Variants in TMCC1 observed in about 807,000 individuals in gnomAD.
TMCC1 encodes transmembrane and coiled-coil domain family 1, also known as transmembrane and coiled-coil domains protein 1.
TMCC1 carries 15 observed loss-of-function variants against 52.4 expected under a neutral mutation model. That is an observed-to-expected ratio of 0.29 (90% CI 0.19 to 0.44). TMCC1 has a LOEUF of 0.44. Ranked by LOEUF, TMCC1 falls within the 20% of genes least tolerant of loss-of-function variation. TMCC1 has a pLI of 1.00. For synonymous variants in TMCC1, 279 were observed against 301.9 expected, an observed-to-expected ratio of 0.92 and a Z score of 0.79; for missense variants, 503 against 806.0, an observed-to-expected ratio of 0.62 and a Z score of 4.55.
chr3:129,876,919 T>C (rs2061243236), intron 2 of TMCC1, among the ~76,000 whole-genome samples: 1 of 152,188 alleles, frequency 6.6e-6, no homozygotes, highest in African/African-American at 2.4e-5. Flanking sequence ...ATCGTGCCAC[T>C]GCACTCCAGC....
intron 4 of TMCC1, among the ~76,000 whole-genome samples, chr3:129,807,651 A>C (rs910409200): frequency 6.6e-6 from 1 of 152,222 alleles, no homozygotes; most frequent in South Asian, 2.1e-4. Context: ...AAGAATCAGA[A>C]TGGCACCAGA....
intron 4 of TMCC1, among the ~76,000 whole-genome samples, chr3:129,805,382 CG>C (rs1368838607): frequency 3.9e-5 from 6 of 152,068 alleles, no homozygotes; most frequent in African/African-American, 1.4e-4. Flanking sequence ...AGGCTGTTCT[CG>C]AACTCCTGGG....
chr3:129,707,930 C>CA (rs931591808), intron 4 of TMCC1, among the ~76,000 whole-genome samples: 1,394 of 127,976 alleles, frequency 0.011, 14 homozygotes, highest in Non-Finnish European at 0.012. Context: ...GACTCAGTCT[C>CA]AAAAAAAAAA....
intron 2 of TMCC1, among the ~76,000 whole-genome samples, chr3:129,870,306 C>T (rs1004994767): frequency 9.2e-5 from 14 of 151,796 alleles, no homozygotes; most frequent in African/African-American, 3.4e-4. Context: ...CTCTTCAGTA[C>T]CAATATCAGC....
At position 129,651,812 on chromosome 3, in the gene TMCC1, G is replaced by A. The variant is rs2086343189; in HGVS notation, c.1648-17C>T. 5 of 1,606,670 alleles carry A rather than the reference G, an allele frequency of 3.1e-6. No homozygotes were observed. The East Asian group carries it at 1.1e-4, about 36-fold the overall frequency. ...CAGGGCCTCCTGTGGGCCAGAACAG[G>A]GAAGAGTTAAGCCTTCTGCTCACAA... On this transcript the variant is annotated splice_polypyrimidine_tract_variant and intron_variant, in intron 6 of 6. Transcript: ENST00000393238. The surrounding 1 kb of genome is among the most constrained non-coding windows in gnomAD (Gnocchi z 5.1).
chr3:129,809,457 A>G (rs561805031), intron 4 of TMCC1, among the ~76,000 whole-genome samples: 1 of 152,292 alleles, frequency 6.6e-6, no homozygotes, highest in South Asian at 2.1e-4. Flanking sequence ...AAATAATATT[A>G]ACTTCTTAAT....
chr3:129,726,525 C>T (rs935120954), intron 4 of TMCC1, among the ~76,000 whole-genome samples: 7 of 151,990 alleles, frequency 4.6e-5, no homozygotes, highest in African/African-American at 7.3e-5. Flanking sequence ...AAGAATTATA[C>T]GGACTCTACT....
At position 129,816,355 on chromosome 3, in the gene TMCC1, T is replaced by C. The variant is rs189257661; in HGVS notation, c.576+11448A>G. ...ATGTAACTGCCCATCAGTGGACAAA[T>C]GAATAAAGAAAATGTGGTATACAAA... On this transcript the variant is annotated intron_variant, in intron 4 of 6. Coordinates refer to ENST00000393238, the MANE Select transcript of TMCC1 (RefSeq NM_001017395.5). Among the ~76,000 whole-genome samples the C allele has an allele frequency of 2.6e-3, 392 of 151,906 alleles. 1 individual carries two copies. The highest frequency in any genetic ancestry group is 4.9e-3 in the Non-Finnish European group (332 of 67,960).
At position 129,706,461 on chromosome 3, in the gene TMCC1, C is replaced by G. The variant is rs374447300; in HGVS notation, c.577-35197G>C. On this transcript the variant is annotated intron_variant, in intron 4 of 6. Coordinates refer to ENST00000393238, the MANE Select transcript of TMCC1 (RefSeq NM_001017395.5). ...CCTCAGGTGATGCTCCCACCTCAGC[C>G]TCCCAAAGTGCTGGGATTACAGGTG... is the stretch of plus-strand genomic sequence containing the variant. Among the ~76,000 whole-genome samples the G allele has an allele frequency of 1.5e-4, 23 of 152,286 alleles. No homozygotes were observed. The East Asian group carries it at 2.1e-3, about 14-fold the overall frequency.
intron 4 of TMCC1, among the ~76,000 whole-genome samples, chr3:129,812,375 A>C (rs2057867898): frequency 6.6e-6 from 1 of 151,520 alleles, no homozygotes; most frequent in Non-Finnish European, 1.5e-5. Context: ...TGAGAAAAAA[A>C]CAGGGCATTA....
intron 4 of TMCC1, among the ~76,000 whole-genome samples, chr3:129,673,724 GC>G (rs1395770622): frequency 1.3e-5 from 2 of 152,114 alleles, no homozygotes; most frequent in Admixed American, 1.3e-4. Flanking sequence ...GGTGGCACAT[GC>G]CTGGAGTCCC....
chr3:129,883,575 C>G (rs982019985), intron 1 of TMCC1, among the ~76,000 whole-genome samples: 7 of 152,254 alleles, frequency 4.6e-5, no homozygotes, highest in African/African-American at 1.7e-4. Flanking sequence ...GTTTACACCA[C>G]TGCACTCCAC....
intron 5 of TMCC1, among the ~76,000 whole-genome samples, chr3:129,658,800 G>T (rs2086833359): frequency 6.6e-6 from 1 of 152,146 alleles, no homozygotes. Context: ...ATGTAATGAG[G>T]GGGTAGCTTG....
chr3:129,855,335 A>G (rs2060105496), intron 2 of TMCC1, among the ~76,000 whole-genome samples: 1 of 152,172 alleles, frequency 6.6e-6, no homozygotes, highest in African/African-American at 2.4e-5. Flanking sequence ...TTTTCTTAAT[A>G]CTTCATGTCA....
At chr3:129,807,752 A>T (rs2057545938) in intron 4 of TMCC1, among the ~76,000 whole-genome samples, 1 of 152,218 alleles carries the variant, frequency 6.6e-6, no homozygotes, top group African/African-American at 2.4e-5. Context: ...CAGCCAAACT[A>T]CCATTAAAGT....
chr3:129,740,475 TC>T (rs78654747), intron 4 of TMCC1, among the ~76,000 whole-genome samples: 4 of 152,320 alleles, frequency 2.6e-5, no homozygotes, highest in East Asian at 3.9e-4. Flanking sequence ...TTTCTGTACT[TC>T]CTTTCTGGTA....
intron 4 of TMCC1, among the ~76,000 whole-genome samples, chr3:129,789,858 G>A (rs2056332622): frequency 6.6e-6 from 1 of 152,090 alleles, no homozygotes. Flanking sequence ...AAATGGCAAG[G>A]GTAGCATTTT....
At chr3:129,782,368 T>C (rs1248757659) in intron 4 of TMCC1, among the ~76,000 whole-genome samples, 1 of 152,058 alleles carries the variant, frequency 6.6e-6, no homozygotes, top group Non-Finnish European at 1.5e-5. Context: ...GTGTATAGTA[T>C]CCTGGAAGGC....
chr3:129,886,519 T>C (rs1357341653), intron 1 of TMCC1, among the ~76,000 whole-genome samples: 2 of 152,190 alleles, frequency 1.3e-5, no homozygotes, highest in African/African-American at 4.8e-5. Context: ...AGCCTACTGA[T>C]GAACAGGTAC....
Sources: allele counts gnomAD v4.1 joint callset (sites outside exome capture counted in the v4.1 genomes callset), GRCh38; gene constraint gnomAD v4.1.1; non-coding constraint Gnocchi (gnomAD v3.1); transcripts MANE v1.5; gene names NCBI Gene and HGNC (gene_info 2026-07-23, HGNC 2026-07-21).